The following CEP126 variants were observed in gnomAD, a reference collection of about 807,000 sequenced individuals.
The protein encoded by CEP126 is centrosomal protein of 126 kDa.
A neutral mutation model predicts 107.8 loss-of-function variants in CEP126; 74 were observed. That is an observed-to-expected ratio of 0.69 (90% confidence interval 0.57 to 0.83). The LOEUF (loss-of-function observed/expected upper bound fraction) is 0.83, where lower values mean the gene tolerates loss of function less well. CEP126 is among the 40% of genes least tolerant of loss of function. CEP126 has a pLI of 0.00. For synonymous variants in CEP126, 449 were observed against 446.0 expected (o/e 1.01, Z -0.08); for missense variants, 1,237 against 1,281.9 (o/e 0.96, Z 0.53).
rs769861010 is a variant in CEP126 at position 101,915,296 on chromosome 11, G to C, written c.12G>C (p.Gly4=). 1.3e-5 allele frequency: 21 copies of C among 1,613,552 alleles called. No homozygotes were observed. The highest frequency in any genetic ancestry group is 1.8e-5 in the Non-Finnish European group (21 of 1,179,948). Residue 4 remains glycine (G), a synonymous_variant, in exon 1 of 11, where the codon GGG becomes GGC. Coordinates refer to ENST00000263468, the MANE Select transcript of CEP126 (RefSeq NM_020802.4). MLA[G]RPGTRSAVGE... ...CGCTGAAGTGAAGGATGCTGGCGGG[G>C]AGGCCCGGAACCCGGAGCGCGGTCG... is the stretch of plus-strand genomic sequence containing the variant.
chr11:101,953,035 C>T (rs915878645), intron 4 of CEP126, among the ~76,000 whole-genome samples: 1 of 152,194 alleles, frequency 6.6e-6, no homozygotes, highest in Non-Finnish European at 1.5e-5. Context: ...GACAGCTCAG[C>T]TTTAAGGCTT....
In CEP126 at chr11:101,999,322, G is replaced by A. The variant is rs1941480151; in HGVS notation, c.*1679G>A. 1 of 151,302 alleles carries A rather than the reference G, an allele frequency of 6.6e-6. No individual in the cohort carries two copies. Among genetic ancestry groups the A allele is most frequent in the African/African-American group, 2.4e-5 (1 of 41,170 alleles). 9.4% of individuals were successfully genotyped at this position (151,302 alleles called of 1,614,324 possible). A position where few individuals can be genotyped will look rare whatever the true frequency, so the allele number is the denominator to read the frequency against. On this transcript the variant is annotated 3_prime_UTR_variant, in exon 11 of 11. Coordinates refer to ENST00000263468, the MANE Select transcript of CEP126 (RefSeq NM_020802.4). The stretch of plus-strand genomic sequence containing the variant: ...TTTTATTAAAAAAAAAAAAGACAAG[G>A]GTTTATATTCATATACACTAGTATA...
intron 4 of CEP126, among the ~76,000 whole-genome samples, chr11:101,950,644 G>C (rs1290794304): frequency 2.0e-5 from 3 of 152,200 alleles, no homozygotes; most frequent in African/African-American, 4.8e-5. Context: ...CTTAAAGAAT[G>C]AGTTAAGATT....
intron 6 of CEP126, among the ~76,000 whole-genome samples, chr11:101,970,247 C>T (rs984717975): frequency 6.6e-6 from 1 of 152,144 alleles, no homozygotes; most frequent in Non-Finnish European, 1.5e-5. Context: ...TTCCATTGTT[C>T]ATTTAATGAA....
chr11:101,960,881 T>G (rs1318916801), intron 5 of CEP126, among the ~76,000 whole-genome samples: 1 of 152,086 alleles, frequency 6.6e-6, no homozygotes, highest in Non-Finnish European at 1.5e-5. Flanking sequence ...TAAAATTTAT[T>G]TCTATATATG....
At chr11:101,965,386 G>A (rs1565363297) in intron 6 of CEP126, among the ~76,000 whole-genome samples, 1 of 152,118 alleles carries the variant, frequency 6.6e-6, no homozygotes, top group African/African-American at 2.4e-5. Flanking sequence ...ATTCATCACA[G>A]TATCCCCAGA....
chr11:101,928,833 T>C (rs1212221610), intron 2 of CEP126, among the ~76,000 whole-genome samples: 2 of 152,348 alleles, frequency 1.3e-5, no homozygotes, highest in East Asian at 1.9e-4. Context: ...CTTCCCACTT[T>C]ATTCTTTTTC....
rs893217843 is a variant in CEP126 at position 101,938,659 on chromosome 11, C to T, written c.249-5606C>T. Among the ~76,000 whole-genome samples, 5 of 152,000 alleles carry T rather than the reference C, an allele frequency of 3.3e-5. No homozygotes were observed. In the South Asian group the frequency reaches 1.0e-3, roughly 32 times the overall value. On this transcript the variant is annotated intron_variant, in intron 2 of 10. Transcript: ENST00000263468. Reference sequence around the variant, plus strand: ...GGCCAGGAGTCAAGACCATCCTGGGCAACAAATCAAGACACCCCCTTCTCT... The same window carrying T: ...GGCCAGGAGTCAAGACCATCCTGGGTAACAAATCAAGACACCCCCTTCTCT...
In CEP126 at chr11:101,915,347, C is replaced by T; in HGVS notation, c.63C>T (p.Asp21=). 2 of 1,614,000 alleles carry T rather than the reference C, an allele frequency of 1.2e-6. No homozygotes were observed. The highest frequency in any genetic ancestry group is 1.7e-6 in the Non-Finnish European group (2 of 1,179,988). The change falls in exon 1 of 11, where the codon GAC becomes GAT. Residue 21 remains aspartate (D), a synonymous_variant. Transcript: ENST00000263468. ...GGGAACTGGGCACTGAATCATCGGA[C>T]AACCTCGACAGAGCCCCCCTCGGCC... ...AVGELGTESS[D]NLDRAPLGPR... is the part of the protein sequence containing the mutation.
At chr11:101,952,151 C>G (rs1940822102) in intron 4 of CEP126, among the ~76,000 whole-genome samples, 1 of 152,012 alleles carries the variant, frequency 6.6e-6, no homozygotes, top group South Asian at 2.1e-4. Context: ...GGAATATTAG[C>G]ATGTGAGAAG....
At chr11:101,990,787 G>A (rs1330820577) in intron 9 of CEP126, among the ~76,000 whole-genome samples, 1 of 151,788 alleles carries the variant, frequency 6.6e-6, no homozygotes, top group Non-Finnish European at 1.5e-5. Context: ...CAAAACATGG[G>A]GGCAGAACAG....
intron 8 of CEP126, among the ~76,000 whole-genome samples, chr11:101,982,946 C>A (rs1040228656): frequency 6.6e-6 from 1 of 152,174 alleles, no homozygotes; most frequent in South Asian, 2.1e-4. Context: ...AAAAGATCCT[C>A]TCAGCCCTCT....
chr11:101,997,434 G>A (rs1941455184), intron 10 of CEP126, among the ~76,000 whole-genome samples, 165 bp from the exon 11 acceptor site: 1 of 152,224 alleles, frequency 6.6e-6, no homozygotes, highest in Non-Finnish European at 1.5e-5. Context: ...TAATGTAAGG[G>A]TTGAGGTAAA....
intron 6 of CEP126, among the ~76,000 whole-genome samples, chr11:101,966,589 C>A (rs1160173028): frequency 1.3e-5 from 2 of 152,178 alleles, no homozygotes; most frequent in African/African-American, 4.8e-5. Context: ...TCACAGTCTT[C>A]ATTTCCATAC....
At position 101,963,131 on chromosome 11, in the gene CEP126, C is replaced by G; in HGVS notation, c.2096C>G (p.Thr699Arg). The G allele has an allele frequency of 6.2e-7, 1 of 1,614,030 alleles. No individual in the cohort carries two copies. The highest frequency in any genetic ancestry group is 8.5e-7 in the Non-Finnish European group (1 of 1,180,000). The change falls in exon 6 of 11, where the codon ACG becomes AGG. Residue 699 changes from threonine to arginine, a missense_variant. Thr to Arg is a moderately conservative substitution (Grantham distance 71, BLOSUM62 -1). Coordinates refer to ENST00000263468, the MANE Select transcript of CEP126 (RefSeq NM_020802.4). ...GAGGATTCTATCTCTGAAAATGTTA[C>G]GACTTTAGGAGGATCTGGAGCAGAC... ...SREDSISENV[T>R]TLGGSGADHM...
intron 10 of CEP126, among the ~76,000 whole-genome samples, chr11:101,993,677 T>C (rs1941411231): frequency 6.6e-6 from 1 of 152,230 alleles, no homozygotes; most frequent in Non-Finnish European, 1.5e-5. Flanking sequence ...ACCAGCAGTG[T>C]ATAAGCATTC....
chr11:101,980,894 G>A (rs1301347833), intron 7 of CEP126, among the ~76,000 whole-genome samples: 1 of 152,220 alleles, frequency 6.6e-6, no homozygotes, highest in East Asian at 1.9e-4. Flanking sequence ...AAGGAGAGCT[G>A]TTGCAAAAAT....
chr11:101,922,164 AT>A (rs5794147), intron 1 of CEP126, among the ~76,000 whole-genome samples: 322 of 132,000 alleles, frequency 2.4e-3, no homozygotes, highest in Middle Eastern at 4.5e-3. Context: ...CCAAGTCAGA[AT>A]TTTTTTTTTT....
chr11:101,990,481 G>T (rs138964519), intron 9 of CEP126, among the ~76,000 whole-genome samples: 1 of 152,056 alleles, frequency 6.6e-6, no homozygotes, highest in African/African-American at 2.4e-5. Flanking sequence ...ACACATTCCC[G>T]GGCCAAAACC....
Sources: gnomAD v4.1 joint callset for allele counts (sites outside exome capture counted in the v4.1 genomes callset) on GRCh38, gnomAD v4.1.1 for gene constraint, MANE v1.5 for transcripts, NCBI Gene and HGNC (gene_info 2026-07-23, HGNC 2026-07-21) for gene names.